Variants in FAM81A observed in about 807,000 individuals in gnomAD.
The protein encoded by FAM81A is family with sequence similarity 81 member A, also known as protein FAM81A.
In FAM81A, 19 loss-of-function variants were observed where a neutral mutation model predicts 46.7. That is an observed-to-expected ratio of 0.41 (90% CI 0.28 to 0.60). The LOEUF (loss-of-function observed/expected upper bound fraction) is 0.60. FAM81A is among the 20% of genes least tolerant of loss of function. The probability of loss-of-function intolerance (pLI) is 0.34; values close to 1 mark genes in which losing one functional copy is unlikely to be tolerated. For synonymous variants in FAM81A, 183 were observed against 152.9 expected, an observed-to-expected ratio of 1.20 and a Z score of -1.45; for missense variants, 377 against 453.5, an observed-to-expected ratio of 0.83 and a Z score of 1.53.
At chr15:59,497,719 A>T (rs750715688) in intron 4 of FAM81A, among the ~76,000 whole-genome samples, 1 of 152,150 alleles carries the variant, frequency 6.6e-6, no homozygotes, top group Non-Finnish European at 1.5e-5. Flanking sequence ...CTGTATATCT[A>T]TGAAAAAATG....
chr15:59,463,776 A>G (rs1248443248), intron 3 of FAM81A, among the ~76,000 whole-genome samples: 5 of 152,106 alleles, frequency 3.3e-5, no homozygotes, highest in African/African-American at 1.2e-4. Flanking sequence ...TGATTGTTCA[A>G]GGAACCAACT....
intron 3 of FAM81A, among the ~76,000 whole-genome samples, chr15:59,480,312 G>A (rs2081833651): frequency 6.6e-6 from 1 of 152,140 alleles, no homozygotes; most frequent in Non-Finnish European, 1.5e-5. Context: ...GGAAGAGTTG[G>A]AGAAGGAGGA....
intron 3 of FAM81A, among the ~76,000 whole-genome samples, chr15:59,462,202 CAAA>C (rs58692315): frequency 3.0e-5 from 2 of 67,534 alleles, no homozygotes; most frequent in Admixed American, 1.7e-4. Flanking sequence ...GACTGCATCT[CAAA>C]AAAAAAAAAA....
chr15:59,466,844 A>G (rs2081619923), intron 3 of FAM81A, among the ~76,000 whole-genome samples: 1 of 152,156 alleles, frequency 6.6e-6, no homozygotes, highest in Admixed American at 6.5e-5. Flanking sequence ...TTTTAGGTCT[A>G]ACATTTAAGT....
chr15:59,475,916 T>A (rs189933919), intron 3 of FAM81A, among the ~76,000 whole-genome samples: 3 of 152,348 alleles, frequency 2.0e-5, no homozygotes, highest in African/African-American at 7.2e-5. Flanking sequence ...TGTCTTAGTT[T>A]AGGCTGCTAT....
At chr15:59,445,795 C>G (rs913176295) in intron 1 of FAM81A, among the ~76,000 whole-genome samples, 1 of 152,226 alleles carries the variant, frequency 6.6e-6, no homozygotes, top group Non-Finnish European at 1.5e-5. Flanking sequence ...AATATTTTTT[C>G]TCTTCTAGCT....
intron 1 of FAM81A, among the ~76,000 whole-genome samples, chr15:59,441,717 G>A (rs1430202924): frequency 2.0e-5 from 3 of 152,138 alleles, no homozygotes; most frequent in Non-Finnish European, 2.9e-5. Flanking sequence ...AGCCCTTTGC[G>A]CCTCTGTATC....
intron 5 of FAM81A, among the ~76,000 whole-genome samples, chr15:59,507,659 C>G (rs1357187284): frequency 2.0e-5 from 3 of 152,168 alleles, no homozygotes; most frequent in Admixed American, 6.5e-5. Context: ...AGTAAGTGAT[C>G]AAGCATCCTT....
At chr15:59,443,067 G>C (rs1171034536) in intron 1 of FAM81A, among the ~76,000 whole-genome samples, 1 of 151,940 alleles carries the variant, frequency 6.6e-6, no homozygotes, top group Non-Finnish European at 1.5e-5. Flanking sequence ...CAAAAGAGGA[G>C]AAAAAAAGAT....
chr15:59,459,953 G>C lies in FAM81A; in HGVS notation c.41G>C (p.Arg14Pro), dbSNP rs761529857. Residue 14 changes from arginine (R) to proline (P), a missense_variant, in exon 3 of 9, where the codon CGA becomes CCA. Transcript: ENST00000288228. ...TGCAGGCGAGTGAGAACCATGCCCC[G>C]ACACAGCCAGTCCCTGACCATGGCA... ...MHLRRVRTMP[R>P]HSQSLTMAPY... is the part of the protein sequence containing the mutation. 6.2e-7 allele frequency: 1 copy of C among 1,606,084 alleles called. No individual in the cohort carries two copies. Among genetic ancestry groups the C allele is most frequent in the South Asian group, 1.1e-5 (1 of 90,174 alleles).
Position 59,438,196 on chromosome 15 carries a change from G to C in FAM81A, c.-164G>C, listed in dbSNP as rs1311669702. 1 of 146,648 alleles carries C rather than the reference G, an allele frequency of 6.8e-6. No homozygotes were observed. The highest frequency in any genetic ancestry group is 2.4e-5 in the African/African-American group (1 of 40,888). 9.1% of individuals were successfully genotyped at this position (146,648 alleles called of 1,614,324 possible). A position where few individuals can be genotyped will look rare whatever the true frequency, so the allele number is the denominator to read the frequency against. On this transcript the variant is annotated 5_prime_UTR_variant, in exon 1 of 9. Coordinates refer to ENST00000288228, the MANE Select transcript of FAM81A (RefSeq NM_152450.3). ...CCGCGGCGCGGGCCCGCAGCCGGGC[G>C]CCCTGCTCAGCCAGCGCCAGCGGCC...
intron 3 of FAM81A, among the ~76,000 whole-genome samples, chr15:59,470,037 C>T (rs541974542): frequency 1.3e-5 from 2 of 152,194 alleles, no homozygotes; most frequent in Admixed American, 6.5e-5. Context: ...TTATTGGCCC[C>T]CACTCTCTTC....
At chr15:59,499,891 C>T (rs570616257) in intron 4 of FAM81A, among the ~76,000 whole-genome samples, 1 of 145,502 alleles carries the variant, frequency 6.9e-6, no homozygotes, top group African/African-American at 2.6e-5. Flanking sequence ...GATACCCTGT[C>T]GCCCAGGCTG....
intron 4 of FAM81A, 71 bp from the exon 5 acceptor site, chr15:59,507,142 G>T: frequency 6.6e-7 from 1 of 1,524,904 alleles, no homozygotes; most frequent in South Asian, 1.2e-5. Flanking sequence ...GCATTTCAGA[G>T]TGTATAAGGA....
intron 3 of FAM81A, among the ~76,000 whole-genome samples, chr15:59,462,160 G>GCC (rs1252655402): frequency 9.5e-5 from 14 of 147,448 alleles, no homozygotes; most frequent in African/African-American, 3.6e-4. Context: ...CCAAGACCAT[G>GCC]CCACTGCCCT....
rs150576590 is a variant in FAM81A at position 59,469,262 on chromosome 15, C to T, written c.294+9056C>T. On this transcript the variant is annotated intron_variant, in intron 3 of 8. Transcript: ENST00000288228. ...AGAGCTGAGTTCAGGTCCTGGATAT[C>T]CTTGTTAACCTTGTGTCTCACTGAT... 3.3e-3 allele frequency among the ~76,000 whole-genome samples: 508 copies of T among 152,222 alleles called. 3 individuals carry two copies. Among genetic ancestry groups the T allele is most frequent in the African/African-American group, 0.012 (495 of 41,550 alleles).
chr15:59,468,764 T>G (rs1274888253), intron 3 of FAM81A, among the ~76,000 whole-genome samples: 1 of 152,218 alleles, frequency 6.6e-6, no homozygotes, highest in Non-Finnish European at 1.5e-5. Flanking sequence ...AGCTTTTGAA[T>G]GTGTTTGCTC....
intron 1 of FAM81A, among the ~76,000 whole-genome samples, chr15:59,449,751 C>T (rs2081394798): frequency 1.5e-5 from 2 of 136,736 alleles, no homozygotes; most frequent in South Asian, 2.3e-4. Context: ...CACTGCACTC[C>T]AGCCTGGGCG....
chr15:59,465,887 G>A (rs1004667132), intron 3 of FAM81A, among the ~76,000 whole-genome samples: 11 of 151,992 alleles, frequency 7.2e-5, no homozygotes, highest in African/African-American at 2.7e-4. Flanking sequence ...GATGTTCCCT[G>A]CCATGTGTCC....
Sources: allele counts gnomAD v4.1 joint callset (sites outside exome capture counted in the v4.1 genomes callset), GRCh38; gene constraint gnomAD v4.1.1; transcripts MANE v1.5; gene names NCBI Gene and HGNC (gene_info 2026-07-23, HGNC 2026-07-21).